EDIL3: variants seen among roughly 807,000 people sequenced by gnomAD.
The protein encoded by EDIL3 is EGF like and discoidin domains 3, also known as EGF-like repeat and discoidin I-like domain-containing protein 3.
Under a neutral mutation model 67.4 loss-of-function variants are expected in EDIL3, and 37 were observed. The observed-to-expected ratio is 0.55, with a 90% confidence interval of 0.42 to 0.72. EDIL3 has a LOEUF of 0.72. Among genes scored for constraint, EDIL3 ranks in the 30% least tolerant of loss-of-function variants. EDIL3 has a pLI of 0.00. For synonymous variants in EDIL3, 195 were observed against 196.3 expected, an observed-to-expected ratio of 0.99 and a Z score of 0.05; for missense variants, 527 against 586.3, an observed-to-expected ratio of 0.90 and a Z score of 1.04.
rs200501675 is a variant in EDIL3 at position 84,137,220 on chromosome 5, T to C, written c.469+21A>G. On this transcript the variant is annotated intron_variant, in intron 5 of 10. Transcript: ENST00000296591. The stretch of plus-strand genomic sequence containing the variant: ...ACACACACACACACACACACACACA[T>C]ACACACACGTGAATACTTACTGTAT... 2.3e-3 allele frequency: 2,916 copies of C among 1,259,452 alleles called. 22 individuals carry two copies. In the East Asian group the frequency reaches 0.041, roughly 18 times the overall value. 78.0% of individuals were successfully genotyped at this position (1,259,452 alleles called of 1,614,324 possible). A position where few individuals can be genotyped will look rare whatever the true frequency, so the allele number is the denominator to read the frequency against.
chr5:84,030,966 C>T lies in EDIL3; in HGVS notation c.1137+29334G>A, dbSNP rs142292558. On this transcript the variant is annotated intron_variant, in intron 9 of 10. Coordinates refer to ENST00000296591, the MANE Select transcript of EDIL3 (RefSeq NM_005711.5). Reference sequence around the variant, plus strand: ...ACAGTGCTGGATGGAGGCTGGTAGTCCAAGATCAAGGTGTTGCCAAGGTTG... The same window carrying T: ...ACAGTGCTGGATGGAGGCTGGTAGTTCAAGATCAAGGTGTTGCCAAGGTTG... Among the ~76,000 whole-genome samples the T allele has an allele frequency of 2.9e-3, 442 of 152,144 alleles. 1 individual carries two copies. The highest frequency in any genetic ancestry group is 6.8e-3 in the Middle Eastern group (2 of 292).
intron 9 of EDIL3, among the ~76,000 whole-genome samples, chr5:83,996,647 T>G (rs1281268133): frequency 1.3e-5 from 2 of 152,086 alleles, no homozygotes; most frequent in East Asian, 3.9e-4. Context: ...AGAGGTAACA[T>G]CCCAATAAAC....
At chr5:84,195,798 T>C (rs1455892439) in intron 3 of EDIL3, among the ~76,000 whole-genome samples, 2 of 152,016 alleles carry the variant, frequency 1.3e-5, no homozygotes, top group African/African-American at 2.4e-5. Flanking sequence ...CTTGATGTAA[T>C]ATTTTTCTAG....
At chr5:84,312,178 C>T (rs1294515001) in intron 1 of EDIL3, among the ~76,000 whole-genome samples, 1 of 149,836 alleles carries the variant, frequency 6.7e-6, no homozygotes, top group Non-Finnish European at 1.5e-5. Context: ...GGCAGCTGGC[C>T]GGGCGGGGGC....
chr5:84,217,721 A>AACACACACACACACACACACAC (rs61264723), intron 3 of EDIL3, among the ~76,000 whole-genome samples: 1 of 134,932 alleles, frequency 7.4e-6, no homozygotes, highest in African/African-American at 2.8e-5. Context: ...TATACACACA[A>AACACACACACACACACACACAC]ACACACACAC....
intron 6 of EDIL3, among the ~76,000 whole-genome samples, chr5:84,068,752 A>C (rs953262431): frequency 3.9e-5 from 6 of 152,180 alleles, no homozygotes; most frequent in African/African-American, 1.4e-4. Context: ...TAGTAATTAC[A>C]GGTTTTAAAC....
intron 9 of EDIL3, among the ~76,000 whole-genome samples, chr5:83,974,113 C>T (rs1048386981): frequency 1.3e-5 from 2 of 151,708 alleles, no homozygotes; most frequent in Admixed American, 1.3e-4. Flanking sequence ...ACCATGTGAG[C>T]CTGAATTCTA....
intron 1 of EDIL3, among the ~76,000 whole-genome samples, chr5:84,339,647 CA>C (rs1747059718): frequency 6.6e-6 from 1 of 151,926 alleles, no homozygotes. Flanking sequence ...CTGCTTTTAA[CA>C]ACTACCTTTA....
At position 84,330,036 on chromosome 5, in the gene EDIL3, A is replaced by G. The variant is rs1746839082; in HGVS notation, c.67+54272T>C. 2.6e-5 allele frequency among the ~76,000 whole-genome samples: 4 copies of G among 152,186 alleles called. No homozygotes were observed. The South Asian group carries it at 8.3e-4, about 31-fold the overall frequency. The stretch of plus-strand genomic sequence containing the variant: ...AATTTAAATATCTAGATATCTAAAT[A>G]TCTGAAGTCATTTTTCAGAAAATGT... On this transcript the variant is annotated intron_variant, in intron 1 of 10. Transcript: ENST00000296591.
chr5:84,314,899 T>A (rs1657348137), intron 1 of EDIL3, among the ~76,000 whole-genome samples: 1 of 152,108 alleles, frequency 6.6e-6, no homozygotes, highest in South Asian at 2.1e-4. Flanking sequence ...AAAAACTATT[T>A]AAAATATAAA....
rs745372000 is a variant in EDIL3, at chr5:84,106,890, G to C, written c.470-60C>G. 935 of 1,479,938 alleles carry C rather than the reference G, an allele frequency of 6.3e-4. 3 individuals carry two copies. Among genetic ancestry groups the C allele is most frequent in the Non-Finnish European group, 7.9e-4 (881 of 1,109,156 alleles). The allele number at this position is 1,479,938 out of a possible 1,614,324, so 91.7% of individuals were successfully genotyped here. ...TAGAAACAATGCATATACAACATGT[G>C]TCTGTTCGATTTGATAGGATTTTTT... On this transcript the variant is annotated intron_variant, in intron 5 of 10. Transcript: ENST00000296591.
intron 9 of EDIL3, among the ~76,000 whole-genome samples, chr5:83,987,118 A>G (rs1745069263): frequency 6.6e-6 from 1 of 152,094 alleles, no homozygotes; most frequent in Non-Finnish European, 1.5e-5. Flanking sequence ...TTCTCTGTAA[A>G]ATGTGATCAT....
intron 1 of EDIL3, among the ~76,000 whole-genome samples, chr5:84,383,137 T>C (rs938658089): frequency 7.9e-5 from 12 of 152,226 alleles, no homozygotes; most frequent in African/African-American, 2.9e-4. Context: ...TAAAACCCTG[T>C]AGTTCACTCA....
At position 83,968,104 on chromosome 5, in the gene EDIL3, T is replaced by C. The variant is rs1580257223; in HGVS notation, c.1138-4744A>G. ...TAACATTACACAAAACAATTGTAGC[T>C]AGTCCCAGTTATATTTAAGGCACAT... On this transcript the variant is annotated intron_variant, in intron 9 of 10. Transcript: ENST00000296591. Among the ~76,000 whole-genome samples, 4 of 152,268 alleles carry C rather than the reference T, an allele frequency of 2.6e-5. No homozygotes were observed. The South Asian group carries it at 8.3e-4, about 32-fold the overall frequency.
intron 1 of EDIL3, among the ~76,000 whole-genome samples, chr5:84,317,011 TTGCGTAAATAA>T (rs1252266513): frequency 2.6e-5 from 4 of 151,956 alleles, no homozygotes; most frequent in African/African-American, 4.8e-5. Context: ...TGAATGACTA[TTGCGTAAATAA>T]TGAAATGCAA....
chr5:83,951,378 G>A (rs1744419153), intron 10 of EDIL3, among the ~76,000 whole-genome samples: 1 of 151,708 alleles, frequency 6.6e-6, no homozygotes, highest in African/African-American at 2.4e-5. Flanking sequence ...TTTGCTTCAT[G>A]TTCCTCATGT....
chr5:84,132,890 T>C (rs1748017748), intron 5 of EDIL3, among the ~76,000 whole-genome samples: 1 of 151,982 alleles, frequency 6.6e-6, no homozygotes, highest in African/African-American at 2.4e-5. Context: ...TTAGTTTTAA[T>C]TTTTAGTAAA....
At chr5:84,370,914 T>C (rs1747829401) in intron 1 of EDIL3, among the ~76,000 whole-genome samples, 2 of 152,158 alleles carry the variant, frequency 1.3e-5, no homozygotes, top group South Asian at 2.1e-4. Flanking sequence ...AGAGTTGTTC[T>C]TCATGCATGC....
At position 84,055,171 on chromosome 5, in the gene EDIL3, T is replaced by C. The variant is rs2112229611; in HGVS notation, c.1137+5129A>G. Reference sequence around the variant, plus strand: ...ATAATAACACACATCTACAACTATCTGATCTTTGACAAACCTGGCAAAAAC... The same window carrying C: ...ATAATAACACACATCTACAACTATCCGATCTTTGACAAACCTGGCAAAAAC... On this transcript the variant is annotated intron_variant, in intron 9 of 10. Transcript: ENST00000296591. 1.4e-5 allele frequency among the ~76,000 whole-genome samples: 2 copies of C among 146,340 alleles called. 1 individual carries two copies. The highest frequency in any genetic ancestry group is 6.8e-3 in the Middle Eastern group (2 of 294).
Sources: gnomAD v4.1 joint callset for allele counts (sites outside exome capture counted in the v4.1 genomes callset) on GRCh38, gnomAD v4.1.1 for gene constraint, MANE v1.5 for transcripts, NCBI Gene and HGNC (gene_info 2026-07-23, HGNC 2026-07-21) for gene names.